The following MSH3 variants were observed in gnomAD, a reference collection of about 807,000 sequenced individuals.
MSH3 encodes the protein mutS homolog 3, also known as DNA mismatch repair protein Msh3.
In MSH3, 106 loss-of-function variants were observed where a neutral mutation model predicts 123.3. That is an observed-to-expected ratio of 0.86 (90% CI 0.73 to 1.01). The LOEUF is 1.01. Ranked by LOEUF, MSH3 falls within the 50% of genes least tolerant of loss-of-function variation. The probability of loss-of-function intolerance (pLI) is 0.00; values close to 1 mark genes in which losing one functional copy is unlikely to be tolerated. For synonymous variants in MSH3, 515 were observed against 481.4 expected, an observed-to-expected ratio of 1.07 and a Z score of -0.91; for missense variants, 1,459 against 1,347.6, an observed-to-expected ratio of 1.08 and a Z score of -1.29.
chr5:80,709,447 T>C (rs190138211), intron 8 of MSH3, among the ~76,000 whole-genome samples: 256 of 152,062 alleles, frequency 1.7e-3, no homozygotes, highest in African/African-American at 4.5e-3. Flanking sequence ...ATGGTGAAAC[T>C]CCGTCTCTAC....
At chr5:80,674,484 TA>T (rs1749792300) in intron 6 of MSH3, among the ~76,000 whole-genome samples, 2 of 152,236 alleles carry the variant, frequency 1.3e-5, no homozygotes, top group African/African-American at 4.8e-5. Flanking sequence ...ATGGGATTGT[TA>T]AGGATTCAAG....
chr5:80,663,641 A>C (rs1383448903), intron 2 of MSH3, among the ~76,000 whole-genome samples: 1 of 152,194 alleles, frequency 6.6e-6, no homozygotes, highest in Non-Finnish European at 1.5e-5. Context: ...ATACATTTCA[A>C]AAAAGAGAGT....
intron 13 of MSH3, among the ~76,000 whole-genome samples, chr5:80,762,845 T>TTTATGTTATG (rs1386769971): frequency 7.7e-6 from 1 of 129,110 alleles, no homozygotes; most frequent in Non-Finnish European, 1.6e-5. Flanking sequence ...TTTATGTTAT[T>TTTATGTTATG]TTATTTTATT....
rs758656822 is a variant in MSH3 at position 80,654,911 on chromosome 5, G to A, written c.184G>A (p.Ala62Thr). The part of the protein sequence containing the change: ...AAAAAAAAAA[A>T]PPAPPAPAFP... Reference sequence around the variant, plus strand: ...GGCTGCAGCGGCCGCAGCGGCCGCAGCGCCCCCAGCGCCCCCAGCTCCCGC... The same window carrying A: ...GGCTGCAGCGGCCGCAGCGGCCGCAACGCCCCCAGCGCCCCCAGCTCCCGC... The change falls in exon 1 of 24, where the codon GCG becomes ACG. Residue 62 changes from alanine (A) to threonine (T), a missense_variant. By Grantham distance (58) the Ala-to-Thr change is moderately conservative. Transcript: ENST00000265081. 3 of 1,496,074 alleles carry A rather than the reference G, an allele frequency of 2.0e-6. No individual in the cohort carries two copies. The highest frequency in any genetic ancestry group is 2.6e-5 in the East Asian group (1 of 37,980). The allele number at this position is 1,496,074 out of a possible 1,614,324, so 92.7% of individuals were successfully genotyped here. A position where few individuals can be genotyped will look rare whatever the true frequency, so the allele number is the denominator to read the frequency against.
At chr5:80,869,966 G>C (rs1312934709) in intron 22 of MSH3, among the ~76,000 whole-genome samples, 2 of 151,106 alleles carry the variant, frequency 1.3e-5, no homozygotes, top group East Asian at 1.9e-4. Flanking sequence ...CTGAGGTCGG[G>C]AGTTCAAGAC....
rs763873895 is a variant in MSH3, at chr5:80,670,206, C to G, written c.689C>G (p.Thr230Arg). The change falls in exon 4 of 24, where the codon ACG becomes AGG. Residue 230 changes from threonine to arginine, a missense_variant. Transcript: ENST00000265081. ...AACAAACGGTCCAAAAGCATCTATA[C>G]GCCGCTAGAATTACAATACATAGAA... ...SANKRSKSIY[T>R]PLELQYIEMK... is the part of the protein sequence containing the mutation. 3.7e-6 allele frequency: 6 copies of G among 1,613,918 alleles called. No individual in the cohort carries two copies. The highest frequency in any genetic ancestry group is 5.1e-6 in the Non-Finnish European group (6 of 1,179,992).
At chr5:80,710,340 G>A (rs998703529) in intron 8 of MSH3, among the ~76,000 whole-genome samples, 3 of 152,134 alleles carry the variant, frequency 2.0e-5, no homozygotes, top group East Asian at 3.9e-4. Context: ...AACACAGAAG[G>A]GAGCAGCTAT....
At chr5:80,658,424 T>G (rs554156968) in intron 2 of MSH3, among the ~76,000 whole-genome samples, 68 of 152,310 alleles carry the variant, frequency 4.5e-4, no homozygotes, top group African/African-American at 1.6e-3. Flanking sequence ...TTATCACAGT[T>G]AAGTAACTTA....
intron 13 of MSH3, 55 bp downstream of exon 13, chr5:80,761,733 T>G: frequency 6.2e-7 from 1 of 1,600,786 alleles, no homozygotes; most frequent in Non-Finnish European, 8.6e-7. Context: ...TTGAGGACAC[T>G]ATATATTAAA....
intron 20 of MSH3, among the ~76,000 whole-genome samples, chr5:80,814,055 G>A (rs1745056618): frequency 6.6e-6 from 1 of 151,142 alleles, no homozygotes; most frequent in Non-Finnish European, 1.5e-5. Flanking sequence ...AGCCTGGGGA[G>A]GTTAAGGCAA....
At chr5:80,719,746 A>G (rs916964768) in intron 8 of MSH3, among the ~76,000 whole-genome samples, 1 of 152,224 alleles carries the variant, frequency 6.6e-6, no homozygotes, top group Non-Finnish European at 1.5e-5. Flanking sequence ...TATAGCCTCC[A>G]TTGAGAGTCT....
At chr5:80,746,144 C>A (rs1014648100) in intron 12 of MSH3, among the ~76,000 whole-genome samples, 1 of 152,158 alleles carries the variant, frequency 6.6e-6, no homozygotes, top group Non-Finnish European at 1.5e-5. Flanking sequence ...GAAACTTGAT[C>A]ATACTATGAG....
rs531339879 is a variant in MSH3 at position 80,825,686 on chromosome 5, G to C, written c.2813+11945G>C. ...ACCAGCTTAGAATCCCACCACCAGT[G>C]TTTAAAAGTTTGTTCTCATGCTTAA... On this transcript the variant is annotated intron_variant, in intron 20 of 23. Coordinates refer to ENST00000265081, the MANE Select transcript of MSH3 (RefSeq NM_002439.5). Among the ~76,000 whole-genome samples the C allele has an allele frequency of 5.9e-5, 9 of 152,270 alleles. No homozygotes were observed. In the East Asian group the frequency reaches 1.7e-3, roughly 29 times the overall value.
At chr5:80,762,987 C>T (rs915091447) in intron 13 of MSH3, among the ~76,000 whole-genome samples, 16 of 151,602 alleles carry the variant, frequency 1.1e-4, no homozygotes, top group African/African-American at 3.1e-4. Flanking sequence ...GCTGGGGTTA[C>T]AGGCACCCGC....
chr5:80,853,883 C>A lies in MSH3; in HGVS notation c.2814-247C>A, dbSNP rs1979005. On this transcript the variant is annotated intron_variant, in intron 20 of 23. Coordinates refer to ENST00000265081, the MANE Select transcript of MSH3 (RefSeq NM_002439.5). ...GAGAAAAAAGCAGGATCAAACGTTT[C>A]CCTACTTTTTAGGAGTTCTGTGCAA... Among the ~76,000 whole-genome samples, 185 of 152,174 alleles carry A rather than the reference C, an allele frequency of 1.2e-3. 1 individual carries two copies. The highest frequency in any genetic ancestry group is 4.3e-3 in the African/African-American group (179 of 41,506).
chr5:80,842,005 C>G (rs1458177584), intron 20 of MSH3, among the ~76,000 whole-genome samples: 1 of 152,076 alleles, frequency 6.6e-6, no homozygotes, highest in African/African-American at 2.4e-5. Flanking sequence ...AATGGTATTG[C>G]CTAGGTTTTC....
At chr5:80,778,898 C>T in intron 17 of MSH3, 62 bp downstream of exon 17, 2 of 957,690 alleles carry the variant, frequency 2.1e-6, no homozygotes, top group Non-Finnish European at 3.4e-6. Flanking sequence ...CTGGAAAAAT[C>T]TTTCCATCAA....
intron 12 of MSH3, among the ~76,000 whole-genome samples, chr5:80,758,516 T>C (rs182075668): frequency 6.6e-6 from 1 of 152,304 alleles, no homozygotes; most frequent in East Asian, 1.9e-4. Flanking sequence ...TGGGTTTGAA[T>C]CAAGGCCACC....
intron 2 of MSH3, among the ~76,000 whole-genome samples, chr5:80,658,316 C>G (rs1749342563): frequency 6.6e-6 from 1 of 152,158 alleles, no homozygotes; most frequent in African/African-American, 2.4e-5. Context: ...GCCTTGGCCT[C>G]CCAAAGTGCT....
Sources: allele counts gnomAD v4.1 joint callset (sites outside exome capture counted in the v4.1 genomes callset), GRCh38; gene constraint gnomAD v4.1.1; transcripts MANE v1.5; gene names NCBI Gene and HGNC (gene_info 2026-07-23, HGNC 2026-07-21).